ATR: variants seen among roughly 807,000 people sequenced by gnomAD.
ATR encodes ATR checkpoint kinase.
ATR carries 142 observed loss-of-function variants against 305.3 expected under a neutral mutation model. That is an observed-to-expected ratio of 0.47 (90% confidence interval 0.41 to 0.53). The LOEUF is 0.53. Among genes scored for constraint, ATR ranks in the 20% least tolerant of loss-of-function variants. ATR has a pLI of 0.00. For missense variants in ATR, 2,135 were observed against 3,133.1 expected, an observed-to-expected ratio of 0.68 and a Z score of 7.60; for synonymous variants, 1,050 against 1,068.1, an observed-to-expected ratio of 0.98 and a Z score of 0.33.
intron 1 of ATR, among the ~76,000 whole-genome samples, chr3:142,568,855 C>T (rs536893859): frequency 3.7e-4 from 56 of 152,370 alleles, no homozygotes; most frequent in Non-Finnish European, 6.6e-4. Flanking sequence ...CACACCAGCC[C>T]CCTGCTGCCT....
intron 44 of ATR, 117 bp from the exon 45 acceptor site, chr3:142,457,872 A>T: frequency 8.6e-7 from 1 of 1,161,722 alleles, no homozygotes; most frequent in Middle Eastern, 2.0e-4. Flanking sequence ...CAAAATATTT[A>T]TGTTGTAATT....
intron 27 of ATR, among the ~76,000 whole-genome samples, chr3:142,511,710 A>G (rs1326978601): frequency 6.6e-6 from 1 of 152,166 alleles, no homozygotes; most frequent in African/African-American, 2.4e-5. Context: ...ATACAAAGAA[A>G]AAATAAATAT....
At chr3:142,483,888 T>TATATAA (rs1553756027) in intron 36 of ATR, among the ~76,000 whole-genome samples, 14 of 151,312 alleles carry the variant, frequency 9.3e-5, no homozygotes, top group East Asian at 1.9e-4. Flanking sequence ...TATATATATA[T>TATATAA]AACCACGAAA....
intron 33 of ATR, among the ~76,000 whole-genome samples, 195 bp downstream of exon 33, chr3:142,496,818 A>G (rs2031673952): frequency 6.6e-6 from 1 of 152,142 alleles, no homozygotes; most frequent in African/African-American, 2.4e-5. Flanking sequence ...AACATCTTAA[A>G]AAAGAGAAAG....
At position 142,549,478 on chromosome 3, in the gene ATR, C is replaced by A. The variant is rs199731535; in HGVS notation, c.3171+1G>T. On this transcript the variant is annotated splice_donor_variant, in intron 15 of 46. Transcript: ENST00000350721. LOFTEE classifies it high-confidence loss of function. The stretch of plus-strand genomic sequence containing the variant: ...TAAAATATATAGAAATATTCAATTA[C>A]CTTCAGATAATGAAGGGCACGTTCT... The A allele has an allele frequency of 6.4e-7, 1 of 1,567,422 alleles. No individual in the cohort carries two copies. The highest frequency in any genetic ancestry group is 1.4e-5 in the African/African-American group (1 of 73,240).
chr3:142,453,125 A>G lies in ATR; in HGVS notation c.7761+3T>C. 6.2e-7 allele frequency: 1 copy of G among 1,614,072 alleles called. No individual in the cohort carries two copies. The highest frequency in any genetic ancestry group is 8.5e-7 in the Non-Finnish European group (1 of 1,179,972). On this transcript the variant is annotated splice_donor_region_variant and intron_variant, in intron 46 of 46. Coordinates refer to ENST00000350721, the MANE Select transcript of ATR (RefSeq NM_001184.4). Reference sequence around the variant, plus strand: ...CCCATATCAAGCTATACCTTCTACTAACCTTTTCATTGACAACTTCTCCAG... The same window carrying G: ...CCCATATCAAGCTATACCTTCTACTGACCTTTTCATTGACAACTTCTCCAG...
At chr3:142,572,914 C>G (rs1457590965) in intron 1 of ATR, among the ~76,000 whole-genome samples, 4 of 152,142 alleles carry the variant, frequency 2.6e-5, no homozygotes, top group Non-Finnish European at 4.4e-5. Flanking sequence ...TAATGTACAG[C>G]CTTCTGGACC....
chr3:142,488,531 C>G (rs2031088981), intron 35 of ATR, among the ~76,000 whole-genome samples: 1 of 152,120 alleles, frequency 6.6e-6, no homozygotes, highest in African/African-American at 2.4e-5. Context: ...AGAAGAAGAA[C>G]ACTATTGGGA....
intron 36 of ATR, among the ~76,000 whole-genome samples, chr3:142,470,565 T>C (rs2071237740): frequency 6.6e-6 from 1 of 152,172 alleles, no homozygotes; most frequent in Admixed American, 6.6e-5. Context: ...TATAATAACT[T>C]GGTCACCCTA....
chr3:142,557,359 T>C (rs1385810036), intron 8 of ATR, among the ~76,000 whole-genome samples: 1 of 152,166 alleles, frequency 6.6e-6, no homozygotes, highest in African/African-American at 2.4e-5. Flanking sequence ...TGGAAACAAC[T>C]TGATTGTCCA....
intron 35 of ATR, among the ~76,000 whole-genome samples, chr3:142,488,384 A>G (rs1277214231): frequency 6.6e-6 from 1 of 152,016 alleles, no homozygotes; most frequent in East Asian, 1.9e-4. Context: ...ACTCTCCCCA[A>G]TTACCTCTTT....
chr3:142,566,537 T>A (rs1475379722), intron 2 of ATR, among the ~76,000 whole-genome samples: 1 of 151,182 alleles, frequency 6.6e-6, no homozygotes, highest in African/African-American at 2.4e-5. Context: ...GCTGGAGGAT[T>A]CCCTTGAGCC....
chr3:142,577,922 T>C (rs975162130), intron 1 of ATR, among the ~76,000 whole-genome samples: 16 of 152,122 alleles, frequency 1.1e-4, no homozygotes, highest in Non-Finnish European at 5.9e-5. Flanking sequence ...AAGATACTGG[T>C]TTTCATGAGG....
chr3:142,564,208 T>C (rs1236429923), intron 3 of ATR, among the ~76,000 whole-genome samples: 2 of 152,242 alleles, frequency 1.3e-5, no homozygotes, highest in Non-Finnish European at 2.9e-5. Flanking sequence ...TTATATGCAC[T>C]GGGAAACCAA....
At chr3:142,529,170 G>A (rs941460644) in intron 21 of ATR, among the ~76,000 whole-genome samples, 6 of 151,414 alleles carry the variant, frequency 4.0e-5, no homozygotes, top group African/African-American at 9.7e-5. Context: ...GTGAGCTACC[G>A]TGCCCAGCCT....
At chr3:142,461,248 C>G (rs2071019293) in intron 42 of ATR, among the ~76,000 whole-genome samples, 1 of 152,084 alleles carries the variant, frequency 6.6e-6, no homozygotes, top group Non-Finnish European at 1.5e-5. Context: ...ATTTTAGCAT[C>G]CATTAATAAT....
chr3:142,529,806 T>C (rs1270830294), intron 21 of ATR, among the ~76,000 whole-genome samples: 1 of 152,146 alleles, frequency 6.6e-6, no homozygotes, highest in Admixed American at 6.6e-5. Context: ...TACTTTTTTT[T>C]CTCCTTGCAA....
At chr3:142,484,368 C>T (rs2030766107) in intron 36 of ATR, among the ~76,000 whole-genome samples, 1 of 152,138 alleles carries the variant, frequency 6.6e-6, no homozygotes, top group Admixed American at 6.6e-5. Flanking sequence ...CCCCACAGGA[C>T]AGAGTTTGGA....
intron 18 of ATR, among the ~76,000 whole-genome samples, chr3:142,538,968 T>A (rs1429705599): frequency 2.0e-5 from 3 of 152,170 alleles, no homozygotes; most frequent in African/African-American, 7.2e-5. Context: ...TTTCTGACTA[T>A]AATTTGTTAC....
Sources: allele counts gnomAD v4.1 joint callset (sites outside exome capture counted in the v4.1 genomes callset), GRCh38; gene constraint gnomAD v4.1.1; transcripts MANE v1.5; gene names NCBI Gene and HGNC (gene_info 2026-07-23, HGNC 2026-07-21).